The following CSMD1 variants were observed in gnomAD, a reference collection of about 807,000 sequenced individuals.
The protein encoded by CSMD1 is CUB and Sushi multiple domains 1, also known as CUB and sushi domain-containing protein 1.
A neutral mutation model predicts 417.5 loss-of-function variants in CSMD1; 213 were observed. That is an observed-to-expected ratio of 0.51 (90% CI 0.46 to 0.57). The LOEUF (loss-of-function observed/expected upper bound fraction) is 0.57. CSMD1 is among the 20% of genes least tolerant of loss of function. The pLI is 0.00. For missense variants in CSMD1, 6,923 were observed against 4,529.7 expected, an observed-to-expected ratio of 1.53 and a Z score of -15.17; for synonymous variants, 2,862 against 1,736.8, an observed-to-expected ratio of 1.65 and a Z score of -16.11.
At chr8:4,452,514 GTTCA>G (rs1256546353) in intron 2 of CSMD1, among the ~76,000 whole-genome samples, 4 of 152,036 alleles carry the variant, frequency 2.6e-5, no homozygotes, top group Non-Finnish European at 1.5e-5. Context: ...TTTAATTTTA[GTTCA>G]TTAACTCAAC....
chr8:3,223,955 T>A, intron 27 of CSMD1, 88 bp from the exon 28 acceptor site: 1 of 1,341,958 alleles, frequency 7.5e-7, no homozygotes, highest in Non-Finnish European at 1.0e-6. Flanking sequence ...ACAGAATTCT[T>A]TAAGAAAAAG....
chr8:4,453,579 T>A (rs77354697), intron 2 of CSMD1, among the ~76,000 whole-genome samples: 11,283 of 152,130 alleles, frequency 0.074, 610 homozygotes, highest in Non-Finnish European at 0.1. Context: ...CTTATATCGC[T>A]TGAACAATTG....
chr8:3,693,909 G>C (rs1236041090), intron 7 of CSMD1, among the ~76,000 whole-genome samples: 1 of 150,600 alleles, frequency 6.6e-6, no homozygotes, highest in Non-Finnish European at 1.5e-5. Context: ...TTGGCGTCTT[G>C]TGTGTGTGTG....
chr8:4,120,539 G>A (rs4875283), intron 3 of CSMD1, among the ~76,000 whole-genome samples: 150,647 of 152,286 alleles, frequency 0.99, 74,538 homozygotes, highest in East Asian at 1. Flanking sequence ...ATCTTCTGGC[G>A]ATAAGGGATA....
chr8:3,761,126 C>T (rs1026312261), intron 5 of CSMD1, among the ~76,000 whole-genome samples: 3 of 152,114 alleles, frequency 2.0e-5, no homozygotes, highest in Admixed American at 6.6e-5. Flanking sequence ...GAAATCATTT[C>T]TCTCATGAAC....
chr8:4,164,892 T>C (rs569959760), intron 3 of CSMD1, among the ~76,000 whole-genome samples: 2 of 143,668 alleles, frequency 1.4e-5, no homozygotes, highest in Non-Finnish European at 3.1e-5. Context: ...AAAAAAAAAA[T>C]ATATATATAT....
chr8:3,952,223 G>T (rs1368958050), intron 5 of CSMD1, among the ~76,000 whole-genome samples: 1 of 152,114 alleles, frequency 6.6e-6, no homozygotes, highest in Non-Finnish European at 1.5e-5. Flanking sequence ...ATAATAAGAA[G>T]ATTAAGATGG....
intron 2 of CSMD1, among the ~76,000 whole-genome samples, chr8:4,430,176 T>G (rs184455308): frequency 2.6e-5 from 4 of 152,330 alleles, no homozygotes; most frequent in Middle Eastern, 3.4e-3. Context: ...TACGTGTGCT[T>G]TCCTAAGCAA....
intron 1 of CSMD1, among the ~76,000 whole-genome samples, chr8:4,706,567 A>C (rs1255691273): frequency 6.6e-6 from 1 of 152,234 alleles, no homozygotes; most frequent in African/African-American, 2.4e-5. Flanking sequence ...ATTTAAGTCA[A>C]CTTATGCCAT....
chr8:3,436,790 C>T (rs1472794874), intron 12 of CSMD1, among the ~76,000 whole-genome samples: 1 of 152,146 alleles, frequency 6.6e-6, no homozygotes, highest in Non-Finnish European at 1.5e-5. Flanking sequence ...TTCTTCTTCT[C>T]TTCTCAAAAC....
chr8:4,713,029 G>A (rs1003127393), intron 1 of CSMD1, among the ~76,000 whole-genome samples: 1 of 152,196 alleles, frequency 6.6e-6, no homozygotes, highest in Non-Finnish European at 1.5e-5. Flanking sequence ...TACAAGGTGT[G>A]ATCTTAGGGA....
chr8:3,864,360 A>AG (rs35873042), intron 5 of CSMD1, among the ~76,000 whole-genome samples: 71,223 of 151,984 alleles, frequency 0.47, 19,316 homozygotes, highest in African/African-American at 0.76. Context: ...TAACCACAGA[A>AG]GGGGCAGGTA....
intron 2 of CSMD1, among the ~76,000 whole-genome samples, chr8:4,455,362 C>G (rs553929847): frequency 1.3e-5 from 2 of 152,252 alleles, no homozygotes; most frequent in African/African-American, 4.8e-5. Flanking sequence ...CACCCAGAAG[C>G]TGGAAAACTG....
intron 1 of CSMD1, among the ~76,000 whole-genome samples, chr8:4,987,888 C>T (rs1811264202): frequency 6.6e-6 from 1 of 152,186 alleles, no homozygotes; most frequent in Non-Finnish European, 1.5e-5. Flanking sequence ...CTATTGGACT[C>T]TTGGACTTAC....
At chr8:3,583,171 A>G (rs141073204) in intron 9 of CSMD1, among the ~76,000 whole-genome samples, 2 of 151,916 alleles carry the variant, frequency 1.3e-5, no homozygotes, top group Non-Finnish European at 2.9e-5. Flanking sequence ...AGCCCTACCA[A>G]TCATGTGAGC....
intron 6 of CSMD1, among the ~76,000 whole-genome samples, chr8:3,731,939 C>T (rs770818131): frequency 3.3e-5 from 5 of 152,110 alleles, no homozygotes; most frequent in Non-Finnish European, 5.9e-5. Context: ...TGAAACCATA[C>T]AATGGACTCC....
intron 5 of CSMD1, among the ~76,000 whole-genome samples, chr8:3,996,993 C>T (rs1001894064): frequency 1.3e-5 from 2 of 152,214 alleles, no homozygotes; most frequent in South Asian, 4.1e-4. Context: ...TTCACAATCA[C>T]TCATTCCATA....
chr8:3,270,908 T>C (rs1344389462), intron 26 of CSMD1, among the ~76,000 whole-genome samples: 2 of 75,380 alleles, frequency 2.7e-5, no homozygotes, highest in Non-Finnish European at 6.0e-5. Flanking sequence ...CACATCTTTT[T>C]TTCTTTTTTT....
At chr8:3,019,714 G>T (rs1382821142) in intron 51 of CSMD1, among the ~76,000 whole-genome samples, 3 of 152,170 alleles carry the variant, frequency 2.0e-5, no homozygotes, top group South Asian at 4.1e-4. Flanking sequence ...TTTCACTCAT[G>T]AAAGTACTCC....
Sources: gnomAD v4.1 joint callset for allele counts (sites outside exome capture counted in the v4.1 genomes callset) on GRCh38, gnomAD v4.1.1 for gene constraint, MANE v1.5 for transcripts, NCBI Gene and HGNC (gene_info 2026-07-23, HGNC 2026-07-21) for gene names.